TRIM44: variants seen among roughly 807,000 people sequenced by gnomAD.
TRIM44 encodes the protein tripartite motif containing 44.
In TRIM44, 13 loss-of-function variants were observed where a neutral mutation model predicts 37.4. The observed-to-expected ratio is 0.35, with a 90% CI of 0.23 to 0.55. The LOEUF (loss-of-function observed/expected upper bound fraction) is 0.55. Ranked by LOEUF, TRIM44 falls within the 20% of genes least tolerant of loss-of-function variation. The probability of loss-of-function intolerance (pLI) is 0.89; values close to 1 mark genes in which losing one functional copy is unlikely to be tolerated. For synonymous variants in TRIM44, 175 were observed against 157.2 expected (o/e 1.11, Z -0.85); for missense variants, 426 against 437.2 (o/e 0.97, Z 0.23).
intron 4 of TRIM44, among the ~76,000 whole-genome samples, chr11:35,785,313 T>G (rs1853117485): frequency 6.6e-6 from 1 of 152,244 alleles, no homozygotes; most frequent in African/African-American, 2.4e-5. Context: ...GACCATTTCC[T>G]CAGGGGTGGT....
intron 4 of TRIM44, among the ~76,000 whole-genome samples, chr11:35,797,226 G>A (rs565398389): frequency 6.6e-6 from 1 of 152,300 alleles, no homozygotes; most frequent in African/African-American, 2.4e-5. Flanking sequence ...CCAAAGCTGA[G>A]CAGTTTGAGC....
intron 4 of TRIM44, among the ~76,000 whole-genome samples, chr11:35,778,779 A>C (rs147438741): frequency 2.0e-5 from 3 of 151,860 alleles, no homozygotes; most frequent in South Asian, 2.1e-4. Context: ...CAGAATGGCA[A>C]ATGTTGCTGC....
intron 4 of TRIM44, among the ~76,000 whole-genome samples, chr11:35,764,265 A>G (rs1852764586): frequency 6.6e-6 from 1 of 152,136 alleles, no homozygotes; most frequent in Non-Finnish European, 1.5e-5. Flanking sequence ...GCTTTCTTTG[A>G]TCACCTAGTT....
chr11:35,782,925 T>G (rs1271652084), intron 4 of TRIM44, among the ~76,000 whole-genome samples: 1 of 152,116 alleles, frequency 6.6e-6, no homozygotes, highest in Non-Finnish European at 1.5e-5. Context: ...GTAGAAAGAG[T>G]GGGTGTTATT....
chr11:35,780,183 T>G (rs1394907827), intron 4 of TRIM44, among the ~76,000 whole-genome samples: 1 of 152,186 alleles, frequency 6.6e-6, no homozygotes, highest in East Asian at 1.9e-4. Flanking sequence ...CCTTGCAGGA[T>G]GAGACCAGAG....
In TRIM44 at chr11:35,753,728, A is replaced by AT. The variant is rs796549495; in HGVS notation, c.1007+18295dup. Among the ~76,000 whole-genome samples, 1,110 of 147,466 alleles carry AT rather than the reference A, an allele frequency of 7.5e-3. 13 individuals are homozygous for AT. The highest frequency in any genetic ancestry group is 0.024 in the African/African-American group (978 of 40,474). On this transcript the variant is annotated intron_variant, in intron 4 of 4. Coordinates refer to ENST00000299413, the MANE Select transcript of TRIM44 (RefSeq NM_017583.6). The stretch of plus-strand genomic sequence containing the variant: ...GGATGAGAATATAGTTGCCAAATTG[A>AT]TTTTTTTTTTTTCTTCAGACAGAGT...
intron 3 of TRIM44, among the ~76,000 whole-genome samples, chr11:35,727,221 A>T (rs1053029729): frequency 5.3e-5 from 8 of 152,094 alleles, no homozygotes; most frequent in Non-Finnish European, 1.0e-4. Context: ...TATTAATCAG[A>T]TTTCATAATT....
chr11:35,772,086 C>T (rs893283048), intron 4 of TRIM44, among the ~76,000 whole-genome samples: 3 of 152,318 alleles, frequency 2.0e-5, no homozygotes, highest in East Asian at 1.9e-4. Context: ...ACGTAGAGCT[C>T]GGGCCTTGGC....
At chr11:35,788,353 C>T (rs545387408) in intron 4 of TRIM44, among the ~76,000 whole-genome samples, 15 of 152,226 alleles carry the variant, frequency 9.9e-5, no homozygotes, top group Non-Finnish European at 1.9e-4. Flanking sequence ...CTGGAGCTGC[C>T]ACAGAGATTC....
intron 4 of TRIM44, among the ~76,000 whole-genome samples, chr11:35,751,127 G>T (rs2135529715): frequency 6.6e-6 from 1 of 152,256 alleles, no homozygotes; most frequent in African/African-American, 2.4e-5. Context: ...TTGGTTAAAT[G>T]AATGAATGAA....
chr11:35,756,470 C>T (rs1429182986), intron 4 of TRIM44, among the ~76,000 whole-genome samples: 1 of 152,176 alleles, frequency 6.6e-6, no homozygotes, highest in African/African-American at 2.4e-5. Flanking sequence ...ATTTGACTTC[C>T]TCTTTTCCTA....
intron 1 of TRIM44, among the ~76,000 whole-genome samples, chr11:35,673,022 A>G (rs2135484501): frequency 6.6e-6 from 1 of 152,348 alleles, no homozygotes; most frequent in African/African-American, 2.4e-5. Flanking sequence ...GGGATTTCCA[A>G]TCAAAATGTA....
chr11:35,794,580 T>C (rs542419930), intron 4 of TRIM44, among the ~76,000 whole-genome samples: 1 of 152,342 alleles, frequency 6.6e-6, no homozygotes. Flanking sequence ...CAGTTTATGA[T>C]GCAGCATTTT....
intron 4 of TRIM44, among the ~76,000 whole-genome samples, chr11:35,741,181 G>C (rs1852392502): frequency 6.6e-6 from 1 of 152,100 alleles, no homozygotes; most frequent in African/African-American, 2.4e-5. Context: ...ATGCAAAGTG[G>C]GGTGCCAACA....
intron 1 of TRIM44, among the ~76,000 whole-genome samples, chr11:35,664,413 G>T (rs1851310398): frequency 6.6e-6 from 1 of 152,154 alleles, no homozygotes; most frequent in Non-Finnish European, 1.5e-5. Context: ...CAGAACAGTG[G>T]ACACTTCGGA....
At chr11:35,735,874 C>T (rs1262006276) in intron 4 of TRIM44, among the ~76,000 whole-genome samples, 8 of 150,908 alleles carry the variant, frequency 5.3e-5, no homozygotes. Context: ...GTGTCAGACA[C>T]AAGACACCTA....
chr11:35,696,993 G>A (rs1024239784), intron 2 of TRIM44, among the ~76,000 whole-genome samples: 15 of 151,954 alleles, frequency 9.9e-5, no homozygotes, highest in Non-Finnish European at 1.8e-4. Flanking sequence ...AATGTCAACC[G>A]CAATTTATAA....
chr11:35,796,121 C>G (rs1853283514), intron 4 of TRIM44, among the ~76,000 whole-genome samples: 1 of 152,188 alleles, frequency 6.6e-6, no homozygotes, highest in African/African-American at 2.4e-5. Flanking sequence ...AAAAGTAGCA[C>G]TAGGTCATTA....
intron 4 of TRIM44, among the ~76,000 whole-genome samples, chr11:35,755,864 A>G (rs1364970168): frequency 6.6e-6 from 1 of 152,076 alleles, no homozygotes; most frequent in Non-Finnish European, 1.5e-5. Flanking sequence ...ATTGGTCTAT[A>G]TCTCTGTTTT....
Sources: allele counts gnomAD v4.1 joint callset (sites outside exome capture counted in the v4.1 genomes callset), GRCh38; gene constraint gnomAD v4.1.1; transcripts MANE v1.5; gene names NCBI Gene and HGNC (gene_info 2026-07-23, HGNC 2026-07-21).